NIPBL: variants seen among roughly 807,000 people sequenced by gnomAD.
NIPBL encodes the protein nipped-B-like protein.
NIPBL carries 19 observed loss-of-function variants against 321.8 expected under a neutral mutation model. The ratio of observed to expected loss-of-function variants is 0.06; its 90% confidence interval spans 0.04 to 0.09. The LOEUF is 0.09. Among genes scored for constraint, NIPBL ranks in the 10% least tolerant of loss-of-function variants. The probability of loss-of-function intolerance (pLI) is 1.00; values close to 1 mark genes in which losing one functional copy is unlikely to be tolerated. For missense variants in NIPBL, 2,210 were observed against 3,327.0 expected (o/e 0.66, Z 8.26); for synonymous variants, 1,106 against 1,114.1 (o/e 0.99, Z 0.14).
chr5:36,956,363 C>T (rs1412726019), intron 3 of NIPBL, among the ~76,000 whole-genome samples: 1 of 152,016 alleles, frequency 6.6e-6, no homozygotes, highest in Non-Finnish European at 1.5e-5. Context: ...TGTAACCTCG[C>T]ATTCTTTATT....
At chr5:37,018,764 T>G (rs1749283321) in intron 24 of NIPBL, among the ~76,000 whole-genome samples, 1 of 152,190 alleles carries the variant, frequency 6.6e-6, no homozygotes, top group Non-Finnish European at 1.5e-5. Context: ...TTTAACACAT[T>G]TTTCTGATCA....
chr5:36,911,440 G>A (rs1163193756), intron 1 of NIPBL, among the ~76,000 whole-genome samples: 1 of 152,164 alleles, frequency 6.6e-6, no homozygotes, highest in Non-Finnish European at 1.5e-5. Flanking sequence ...GCCACTTCCT[G>A]TAGGAAATAT....
intron 46 of NIPBL, 114 bp from the exon 47 acceptor site, chr5:37,064,413 T>G: frequency 1.9e-6 from 3 of 1,556,820 alleles, no homozygotes; most frequent in Non-Finnish European, 2.6e-6. Context: ...AATGGAAGTG[T>G]GCCGGGAAAT....
At chr5:37,063,623 T>C (rs1014152817) in intron 45 of NIPBL, among the ~76,000 whole-genome samples, 167 bp from the exon 46 acceptor site, 1 of 152,210 alleles carries the variant, frequency 6.6e-6, no homozygotes, top group Non-Finnish European at 1.5e-5. Flanking sequence ...ATGAAAAATA[T>C]TTACCACCTG....
chr5:37,046,317 G>A, intron 38 of NIPBL, 118 bp downstream of exon 38: 1 of 687,420 alleles, frequency 1.5e-6, no homozygotes, highest in Admixed American at 2.2e-5. Context: ...AGTAGGATTT[G>A]GTGTATAGAA....
In NIPBL at chr5:36,901,757, C is replaced by G. The variant is rs181691704; in HGVS notation, c.-80+24579C>G. On this transcript the variant is annotated intron_variant, in intron 1 of 46. Coordinates refer to ENST00000282516, the MANE Select transcript of NIPBL (RefSeq NM_133433.4). ...CTCCTGACCTCAAGTGATCCACCCCCCTCTGCCTCCCAAAGTGCTAGGATT... is the reference window on the plus strand; with the variant it reads ...CTCCTGACCTCAAGTGATCCACCCCGCTCTGCCTCCCAAAGTGCTAGGATT... 7.9e-5 allele frequency among the ~76,000 whole-genome samples: 12 copies of G among 152,192 alleles called. No homozygotes were observed. In the East Asian group the frequency reaches 1.7e-3, roughly 22 times the overall value.
intron 1 of NIPBL, among the ~76,000 whole-genome samples, chr5:36,935,397 C>T (rs1188547299): frequency 1.3e-5 from 2 of 152,108 alleles, no homozygotes; most frequent in African/African-American, 4.8e-5. Flanking sequence ...TCTTCTGTCC[C>T]ACCGTTTTCA....
chr5:37,052,242 T>G (rs1753635296), intron 41 of NIPBL, 124 bp from the exon 42 acceptor site: 1 of 757,900 alleles, frequency 1.3e-6, no homozygotes, highest in Non-Finnish European at 2.2e-6. Flanking sequence ...CTTCATTCTG[T>G]GATTCGTATT....
chr5:37,017,226 C>A, intron 24 of NIPBL, 64 bp downstream of exon 24: 3 of 1,454,176 alleles, frequency 2.1e-6, no homozygotes, highest in Non-Finnish European at 2.8e-6. Flanking sequence ...CATGTCCTTA[C>A]ATTAGTTTTG....
In NIPBL at chr5:37,019,320, G is replaced by A; in HGVS notation, c.4930G>A (p.Gly1644Arg). The change falls in exon 25 of 47, where the codon GGG (glycine) becomes AGG (arginine). Residue 1644 changes from glycine (G) to arginine (R), a missense_variant. Around this residue, in one of 14 missense-constraint regions of NIPBL, gnomAD observed 138 missense variants for 175.8 expected, o/e 0.79. Coordinates refer to ENST00000282516, the MANE Select transcript of NIPBL (RefSeq NM_133433.4). ...TTGGTTTATTCTATAGGTTTCAGGA[G>A]GGGAAGATGAAATCCAACAATTACA... ...IERILKQVSG[G>R]EDEIQQLQKA... The A allele has an allele frequency of 6.2e-7, 1 of 1,609,396 alleles. No individual in the cohort carries two copies. Among genetic ancestry groups the A allele is most frequent in the South Asian group, 1.1e-5 (1 of 90,970 alleles).
At chr5:36,950,342 T>A (rs1740138272) in intron 1 of NIPBL, among the ~76,000 whole-genome samples, 1 of 152,106 alleles carries the variant, frequency 6.6e-6, no homozygotes, top group South Asian at 2.1e-4. Flanking sequence ...TCTGGATCAC[T>A]TACTATGTGC....
chr5:37,038,746 T>C lies in NIPBL; in HGVS notation c.6108+8T>C. The stretch of plus-strand genomic sequence containing the variant: ...CTTACCACTAAATGTAGTGTAAGTA[T>C]AGAGCTGTCTTATTCTTGTATCTTA... On this transcript the variant is annotated splice_region_variant and intron_variant, in intron 34 of 46. Transcript: ENST00000282516. 1 of 1,612,364 alleles carries C rather than the reference T, an allele frequency of 6.2e-7. No homozygotes were observed. Among genetic ancestry groups the C allele is most frequent in the Non-Finnish European group, 8.5e-7 (1 of 1,179,210 alleles).
intron 1 of NIPBL, among the ~76,000 whole-genome samples, chr5:36,877,643 GAAAC>G (rs1292282414): frequency 6.6e-6 from 1 of 152,196 alleles, no homozygotes; most frequent in African/African-American, 2.4e-5. Flanking sequence ...ACGTCCCAGT[GAAAC>G]AAACAACCTC....
intron 9 of NIPBL, among the ~76,000 whole-genome samples, 186 bp downstream of exon 9, chr5:36,976,588 A>AAAC (rs1743482594): frequency 6.6e-6 from 1 of 152,144 alleles, no homozygotes; most frequent in South Asian, 2.1e-4. Context: ...TTATTGTCTG[A>AAAC]AACAACTATA....
Position 36,985,878 on chromosome 5 carries a change from T to A in NIPBL, c.2698T>A (p.Ser900Thr). ...PDSPRVKQGDSNKSRSDKLGF... is the reference protein window; with the variant it reads ...PDSPRVKQGDTNKSRSDKLGF... ...CAGTCCTCGTGTTAAACAAGGAGATTCTAATAAATCAAGATCTGATAAACT... is the reference window on the plus strand; with the variant it reads ...CAGTCCTCGTGTTAAACAAGGAGATACTAATAAATCAAGATCTGATAAACT... The change falls in exon 10 of 47, where the codon TCT becomes ACT. Residue 900 changes from serine (S) to threonine (T), a missense_variant. Physicochemically the swap from Ser to Thr is moderately conservative, Grantham distance 58. Around this residue, in one of 14 missense-constraint regions of NIPBL, gnomAD observed 588 missense variants for 564.1 expected, o/e 1.04. Coordinates refer to ENST00000282516, the MANE Select transcript of NIPBL (RefSeq NM_133433.4). 6.2e-7 allele frequency: 1 copy of A among 1,613,834 alleles called. No homozygotes were observed. Among genetic ancestry groups the A allele is most frequent in the Non-Finnish European group, 8.5e-7 (1 of 1,179,944 alleles).
chr5:36,993,241 A>T (rs1393096989), intron 10 of NIPBL, among the ~76,000 whole-genome samples: 1 of 152,162 alleles, frequency 6.6e-6, no homozygotes, highest in Non-Finnish European at 1.5e-5. Flanking sequence ...TTTTCTTTAA[A>T]GTTGGAGCAC....
chr5:36,968,105 AAAAAAAC>A (rs1332492064), intron 6 of NIPBL, among the ~76,000 whole-genome samples: 33 of 149,926 alleles, frequency 2.2e-4, no homozygotes, highest in East Asian at 1.8e-3. Context: ...CAAAAAAAAA[AAAAAAAC>A]AAAAAACAAA....
chr5:36,979,707 T>C (rs1233836489), intron 9 of NIPBL, among the ~76,000 whole-genome samples: 1 of 151,698 alleles, frequency 6.6e-6, no homozygotes, highest in Non-Finnish European at 1.5e-5. Flanking sequence ...GTTCAGGAAA[T>C]AAATATATAG....
At chr5:36,984,189 T>TA (rs1744474421) in intron 9 of NIPBL, among the ~76,000 whole-genome samples, 2 of 152,044 alleles carry the variant, frequency 1.3e-5, no homozygotes, top group African/African-American at 4.8e-5. Flanking sequence ...TTTCCATACT[T>TA]ATCTTAGATA....
Sources: allele counts gnomAD v4.1 joint callset (sites outside exome capture counted in the v4.1 genomes callset), GRCh38; gene constraint gnomAD v4.1.1; regional missense constraint gnomAD v4.1.1; transcripts MANE v1.5; gene names NCBI Gene and HGNC (gene_info 2026-07-23, HGNC 2026-07-21).